ENPP6: variants seen among roughly 807,000 people sequenced by gnomAD.
ENPP6 encodes the protein glycerophosphocholine cholinephosphodiesterase ENPP6.
A neutral mutation model predicts 42.0 loss-of-function variants in ENPP6; 32 were observed. That is an observed-to-expected ratio of 0.76 (90% CI 0.58 to 1.02). The LOEUF is 1.02. ENPP6 is among the 50% of genes least tolerant of loss of function. The pLI, the probability that ENPP6 is intolerant of heterozygous loss-of-function variation, is 0.00. For missense variants in ENPP6, 552 were observed against 566.8 expected, an observed-to-expected ratio of 0.97 and a Z score of 0.27; for synonymous variants, 213 against 216.0, an observed-to-expected ratio of 0.99 and a Z score of 0.12.
intron 2 of ENPP6, among the ~76,000 whole-genome samples, chr4:184,127,077 A>T (rs1046477858): frequency 1.3e-5 from 2 of 152,248 alleles, no homozygotes; most frequent in Non-Finnish European, 2.9e-5. Flanking sequence ...ATACATTTTT[A>T]AAAAAGATTA....
chr4:184,138,496 A>C (rs1159738167), intron 2 of ENPP6, among the ~76,000 whole-genome samples: 1 of 151,894 alleles, frequency 6.6e-6, no homozygotes, highest in Non-Finnish European at 1.5e-5. Flanking sequence ...CAATATTTTG[A>C]ACCATCTGTC....
In ENPP6 at chr4:184,217,590, G is replaced by A; in HGVS notation, c.230C>T (p.Thr77Ile). Residue 77 changes from threonine (T) to isoleucine (I), a missense_variant, in exon 1 of 8, where the codon ACC (threonine) becomes ATC (isoleucine). Physicochemically the swap from Thr to Ile is moderately conservative, Grantham distance 89. Coordinates refer to ENST00000296741, the MANE Select transcript of ENPP6 (RefSeq NM_153343.4). ...FPSLSYPNYYTLMTGRHCEVH... is the reference protein window; with the variant it reads ...FPSLSYPNYYILMTGRHCEVH... Reference sequence around the variant, plus strand: ...GACATGGTACTCACCAGTCATTAGGGTATAATAATTGGGATACGAGAGACT... The same window carrying A: ...GACATGGTACTCACCAGTCATTAGGATATAATAATTGGGATACGAGAGACT... 6.2e-7 allele frequency: 1 copy of A among 1,614,214 alleles called. No individual in the cohort carries two copies. Among genetic ancestry groups the A allele is most frequent in the Non-Finnish European group, 8.5e-7 (1 of 1,180,026 alleles).
intron 3 of ENPP6, 96 bp from the exon 4 acceptor site, chr4:184,117,996 C>A (rs979919577): frequency 2.6e-5 from 38 of 1,448,520 alleles, no homozygotes; most frequent in Non-Finnish European, 3.5e-5. Flanking sequence ...GTTCACGCCC[C>A]CCGAAACCTT....
At chr4:184,217,264 T>C (rs4861610) in intron 1 of ENPP6, among the ~76,000 whole-genome samples, 30,649 of 152,004 alleles carry the variant, frequency 0.2, 3,982 homozygotes, top group East Asian at 0.72. Context: ...TTAGAAAATA[T>C]GAGCCTCATT....
intron 6 of ENPP6, among the ~76,000 whole-genome samples, chr4:184,097,894 C>T (rs558004603): frequency 4.2e-4 from 64 of 150,808 alleles, no homozygotes; most frequent in Non-Finnish European, 7.8e-4. Context: ...GGAACCAGAC[C>T]GGGGGAGGGA....
chr4:184,174,250 GCCTCAGCCTC>G (rs1737525077), intron 1 of ENPP6, among the ~76,000 whole-genome samples: 1 of 150,658 alleles, frequency 6.6e-6, no homozygotes, highest in South Asian at 2.1e-4. Context: ...TGATTTTCCT[GCCTCAGCCTC>G]CCAAGTAGCT....
chr4:184,214,032 T>C (rs529994015), intron 1 of ENPP6, among the ~76,000 whole-genome samples: 37 of 135,840 alleles, frequency 2.7e-4, no homozygotes, highest in African/African-American at 9.7e-4. Flanking sequence ...TAGGTGGGAA[T>C]TGAACAATGA....
intron 1 of ENPP6, among the ~76,000 whole-genome samples, chr4:184,205,699 G>A (rs976916340): frequency 6.6e-6 from 1 of 150,708 alleles, no homozygotes; most frequent in Admixed American, 6.6e-5. Flanking sequence ...GGCAGGCAGC[G>A]AGAGGGAGCT....
chr4:184,160,838 A>G (rs1737247017), intron 1 of ENPP6, among the ~76,000 whole-genome samples: 1 of 152,144 alleles, frequency 6.6e-6, no homozygotes, highest in South Asian at 2.1e-4. Context: ...GTTGTCTAGA[A>G]ATGTAGCTCA....
At chr4:184,091,978 G>A (rs774084485) in intron 7 of ENPP6, among the ~76,000 whole-genome samples, 8 of 152,164 alleles carry the variant, frequency 5.3e-5, no homozygotes, top group East Asian at 1.9e-4. Context: ...TGGGGGCTGC[G>A]GGGAGGCTGA....
chr4:184,217,513 G>C, intron 1 of ENPP6, 66 bp downstream of exon 1: 1 of 1,590,010 alleles, frequency 6.3e-7, no homozygotes, highest in Non-Finnish European at 8.6e-7. Flanking sequence ...CCAATGCCAG[G>C]AGCTCACTGT....
At chr4:184,096,858 G>A (rs974664775) in intron 7 of ENPP6, among the ~76,000 whole-genome samples, 2 of 152,110 alleles carry the variant, frequency 1.3e-5, no homozygotes, top group Admixed American at 1.3e-4. Flanking sequence ...GCCAGACCCC[G>A]AGAAGCGATC....
chr4:184,176,536 G>T (rs779905046), intron 1 of ENPP6, among the ~76,000 whole-genome samples: 2 of 152,102 alleles, frequency 1.3e-5, no homozygotes, highest in African/African-American at 4.8e-5. Flanking sequence ...CCAGTGGGCC[G>T]CAGTGAGCAC....
At chr4:184,091,743 A>T (rs1288792507) in intron 7 of ENPP6, among the ~76,000 whole-genome samples, 1 of 152,042 alleles carries the variant, frequency 6.6e-6, no homozygotes, top group Non-Finnish European at 1.5e-5. Context: ...ACTATCTCTA[A>T]AAAAAATTTT....
rs186034808 is a variant in ENPP6, at chr4:184,161,373, C to A, written c.242-7640G>T. Among the ~76,000 whole-genome samples, 905 of 151,188 alleles carry A rather than the reference C, an allele frequency of 6.0e-3. 11 individuals carry two copies. Among genetic ancestry groups the A allele is most frequent in the African/African-American group, 0.021 (854 of 41,380 alleles). Reference sequence around the variant, plus strand: ...TTACTCCTGCAAGAATGGCTATAATCAAAAAATAATAGATATTGGCATGGA... The same window carrying A: ...TTACTCCTGCAAGAATGGCTATAATAAAAAAATAATAGATATTGGCATGGA... On this transcript the variant is annotated intron_variant, in intron 1 of 7. Transcript: ENST00000296741.
intron 1 of ENPP6, among the ~76,000 whole-genome samples, chr4:184,167,973 G>C (rs998295392): frequency 6.6e-6 from 1 of 152,190 alleles, no homozygotes; most frequent in Non-Finnish European, 1.5e-5. Flanking sequence ...GCATCCTTCT[G>C]ATAGTTTCCC....
At chr4:184,190,069 G>A (rs1732692999) in intron 1 of ENPP6, among the ~76,000 whole-genome samples, 1 of 152,164 alleles carries the variant, frequency 6.6e-6, no homozygotes, top group African/African-American at 2.4e-5. Flanking sequence ...CTGGAAGCAG[G>A]GGTGCTAAAA....
intron 1 of ENPP6, among the ~76,000 whole-genome samples, chr4:184,187,056 T>G (rs974637015): frequency 6.6e-6 from 1 of 152,060 alleles, no homozygotes; most frequent in Non-Finnish European, 1.5e-5. Context: ...AAAGCACTCG[T>G]TCCACACAGA....
intron 1 of ENPP6, among the ~76,000 whole-genome samples, chr4:184,209,156 G>A (rs1271606584): frequency 6.6e-6 from 1 of 151,418 alleles, no homozygotes; most frequent in Non-Finnish European, 1.5e-5. Context: ...CAGAAAAACT[G>A]GAAACTCTAA....
Sources: gnomAD v4.1 joint callset for allele counts (sites outside exome capture counted in the v4.1 genomes callset) on GRCh38, gnomAD v4.1.1 for gene constraint, MANE v1.5 for transcripts, NCBI Gene and HGNC (gene_info 2026-07-23, HGNC 2026-07-21) for gene names.